The following FARP2 variants were observed in gnomAD, a reference collection of about 807,000 sequenced individuals.
The protein encoded by FARP2 is FERM, ARH/RhoGEF and pleckstrin domain protein 2, also known as FERM, ARHGEF and pleckstrin domain-containing protein 2.
Under a neutral mutation model 130.5 loss-of-function variants are expected in FARP2, and 111 were observed. That is an observed-to-expected ratio of 0.85 (90% confidence interval 0.73 to 1.00). The LOEUF (loss-of-function observed/expected upper bound fraction) is 1.00, where lower values mean the gene tolerates loss of function less well. FARP2 is among the 50% of genes least tolerant of loss of function. FARP2 has a pLI of 0.00. For synonymous variants in FARP2, 504 were observed against 516.9 expected, an observed-to-expected ratio of 0.98 and a Z score of 0.34; for missense variants, 1,385 against 1,346.3, an observed-to-expected ratio of 1.03 and a Z score of -0.45.
intron 19 of FARP2, among the ~76,000 whole-genome samples, chr2:241,476,699 T>TAAATA (rs961406290): frequency 1.4e-4 from 22 of 151,850 alleles, no homozygotes; most frequent in African/African-American, 5.3e-4. Flanking sequence ...CAAAATAAAA[T>TAAATA]AAATAAAATA....
chr2:241,494,137 C>T lies in FARP2; in HGVS notation c.*12C>T, dbSNP rs2065039192. ...GGAAGGAGGAATGACGCTCAACCTG[C>T]CCAGGTTTGGACACAACTACAAAGA... On this transcript the variant is annotated 3_prime_UTR_variant, in exon 27 of 27. Coordinates refer to ENST00000264042, the MANE Select transcript of FARP2 (RefSeq NM_014808.4). This position sits in a 1 kb window ranked among gnomAD's most constrained non-coding sequence, Gnocchi z 4.9. The T allele has an allele frequency of 4.2e-6, 6 of 1,442,296 alleles. No individual in the cohort carries two copies. The highest frequency in any genetic ancestry group is 5.5e-6 in the Non-Finnish European group (6 of 1,089,142). The allele number at this position is 1,442,296 out of a possible 1,614,324, so 89.3% of individuals were successfully genotyped here.
At chr2:241,491,733 T>G in intron 24 of FARP2, 54 bp downstream of exon 24, 4 of 1,513,638 alleles carry the variant, frequency 2.6e-6, no homozygotes, top group Non-Finnish European at 3.6e-6. Context: ...CAGCTGTCTC[T>G]GCACTTGGCT....
At chr2:241,388,857 G>C (rs1392312890) in intron 2 of FARP2, among the ~76,000 whole-genome samples, 1 of 151,890 alleles carries the variant, frequency 6.6e-6, no homozygotes, top group Non-Finnish European at 1.5e-5. Flanking sequence ...TATGGACTAG[G>C]TGTTTGTGTT....
intron 2 of FARP2, among the ~76,000 whole-genome samples, chr2:241,383,717 GC>G (rs1267277295): frequency 3.3e-5 from 5 of 152,078 alleles, no homozygotes; most frequent in Non-Finnish European, 7.4e-5. Context: ...TGAAGGTGGA[GC>G]CTGCAGAATT....
intron 8 of FARP2, among the ~76,000 whole-genome samples, chr2:241,428,058 G>T (rs151276154): frequency 5.3e-5 from 8 of 151,536 alleles, no homozygotes; most frequent in Non-Finnish European, 1.0e-4. Flanking sequence ...GAGCCACCAC[G>T]CCCAGCCTAG....
At chr2:241,402,866 A>T (rs376018843) in intron 2 of FARP2, among the ~76,000 whole-genome samples, 1 of 11,990 alleles carries the variant, frequency 8.3e-5, no homozygotes, top group Non-Finnish European at 1.5e-4. Context: ...ATATATATAT[A>T]TATATATATA....
intron 2 of FARP2, among the ~76,000 whole-genome samples, chr2:241,386,558 G>GTTTC (rs1376068654): frequency 2.6e-5 from 4 of 152,226 alleles, no homozygotes; most frequent in South Asian, 2.1e-4. Flanking sequence ...GATTGTCAAA[G>GTTTC]GGAAAGGGGA....
In FARP2 at chr2:241,494,117, G is replaced by A; in HGVS notation, c.3157G>A (p.Glu1053Lys). The A allele has an allele frequency of 2.0e-6, 3 of 1,478,980 alleles. No homozygotes were observed. The highest frequency in any genetic ancestry group is 1.5e-5 in the South Asian group (1 of 66,338). 91.6% of individuals were successfully genotyped at this position (1,478,980 alleles called of 1,614,324 possible). A position where few individuals can be genotyped will look rare whatever the true frequency, so the allele number is the denominator to read the frequency against. ...SGLEGMVRGK[E>K]E ...GCTGGAGGGGATGGTCAGGGGGAAGGAGGAATGACGCTCAACCTGCCCAGG... is the reference window on the plus strand; with the variant it reads ...GCTGGAGGGGATGGTCAGGGGGAAGAAGGAATGACGCTCAACCTGCCCAGG... The change falls in exon 27 of 27, where the codon GAG becomes AAG. Residue 1053 changes from glutamate (E) to lysine (K), a missense_variant. Transcript: ENST00000264042. The surrounding 1 kb of genome is among the most constrained non-coding windows in gnomAD (Gnocchi z 4.9).
intron 2 of FARP2, among the ~76,000 whole-genome samples, chr2:241,391,670 CTCT>C (rs1332308423): frequency 2.0e-5 from 3 of 152,198 alleles, no homozygotes; most frequent in Non-Finnish European, 1.5e-5. Flanking sequence ...CATTTAATGA[CTCT>C]TCTTCCAGTT....
At chr2:241,461,764 C>G (rs566630324) in intron 14 of FARP2, among the ~76,000 whole-genome samples, 1 of 152,334 alleles carries the variant, frequency 6.6e-6, no homozygotes. Context: ...GCTGCCAGGG[C>G]AGAGCAGGAT....
chr2:241,413,372 G>C lies in FARP2; in HGVS notation c.574G>C (p.Gly192Arg). ...CCTCAAAGTGAACGAGTATTTGCCTGGCCAGCAGCACTGCCTTGAGAAGAT... is the reference window on the plus strand; with the variant it reads ...CCTCAAAGTGAACGAGTATTTGCCTCGCCAGCAGCACTGCCTTGAGAAGAT... ...EHLKVNEYLP[G>R]QQHCLEKILE... Residue 192 changes from glycine (G) to arginine (R), a missense_variant, in exon 7 of 27, where the codon GGC (glycine) becomes CGC (arginine). Physicochemically the swap from Gly to Arg is moderately radical, Grantham distance 125. Coordinates refer to ENST00000264042, the MANE Select transcript of FARP2 (RefSeq NM_014808.4). 6.2e-7 allele frequency: 1 copy of C among 1,612,650 alleles called. No individual in the cohort carries two copies. Among genetic ancestry groups the C allele is most frequent in the Non-Finnish European group, 8.5e-7 (1 of 1,179,524 alleles).
intron 18 of FARP2, among the ~76,000 whole-genome samples, chr2:241,472,706 A>C (rs1334907807): frequency 7.9e-6 from 1 of 125,904 alleles, no homozygotes; most frequent in Non-Finnish European, 1.7e-5. Flanking sequence ...TGTTCTGAGG[A>C]TGCTGCTGCT....
At chr2:241,441,278 T>A (rs769112965) in intron 12 of FARP2, 26 bp from the exon 13 acceptor site, 2 of 1,542,460 alleles carry the variant, frequency 1.3e-6, no homozygotes, top group South Asian at 2.5e-5. Context: ...ATATCCTTTT[T>A]TTCTTTTCTT....
chr2:241,458,198 A>T (rs1253770303), intron 14 of FARP2, among the ~76,000 whole-genome samples: 1 of 152,022 alleles, frequency 6.6e-6, no homozygotes, highest in East Asian at 1.9e-4. Flanking sequence ...GAGTTTGTAG[A>T]CTATATTGGG....
At chr2:241,466,219 C>T (rs775590256) in intron 17 of FARP2, 61 of 985,334 alleles carry the variant, frequency 6.2e-5, no homozygotes, top group Non-Finnish European at 6.3e-5. Flanking sequence ...CCCCAGAGCC[C>T]GGGCCCCTGT....
chr2:241,387,679 G>T (rs2150322628), intron 2 of FARP2, among the ~76,000 whole-genome samples: 1 of 151,844 alleles, frequency 6.6e-6, no homozygotes, highest in East Asian at 1.9e-4. Flanking sequence ...TGTAGTCCCA[G>T]GTACTCAGGA....
At position 241,491,667 on chromosome 2, in the gene FARP2, T is replaced by C. The variant is rs759485022; in HGVS notation, c.2775T>C (p.Ser925=). 5.6e-6 allele frequency: 9 copies of C among 1,604,886 alleles called. No individual in the cohort carries two copies. Among genetic ancestry groups the C allele is most frequent in the African/African-American group, 5.4e-5 (4 of 74,754 alleles). The change falls in exon 24 of 27, where the codon AGT becomes AGC. Residue 925 remains serine (S), a synonymous_variant. Coordinates refer to ENST00000264042, the MANE Select transcript of FARP2 (RefSeq NM_014808.4). ...CCAGCGTGTCCAGGGCAGACCACAG[T>C]GCAGCTGTCGAGGTACGACCGCATG... is the stretch of plus-strand genomic sequence containing the variant. ...RNTSVSRADH[S]AAVENQLSGY...
chr2:241,493,535 T>C, intron 26 of FARP2, 91 bp downstream of exon 26: 1 of 1,235,752 alleles, frequency 8.1e-7, no homozygotes, highest in Non-Finnish European at 1.2e-6. Context: ...GCAAGTTTTC[T>C]GGGCCCTGGA....
Position 241,475,603 on chromosome 2 carries a change from G to A in FARP2, c.2132-254G>A, listed in dbSNP as rs562540275. Among the ~76,000 whole-genome samples the A allele has an allele frequency of 6.6e-6, 1 of 152,196 alleles. No individual in the cohort carries two copies. Among genetic ancestry groups the A allele is most frequent in the Non-Finnish European group, 1.5e-5 (1 of 68,038 alleles). ...TGCTCCTTGTGAGAATCTAACAAAT[G>A]CCTGATGATCTGAGGTGGAACAGTT... On this transcript the variant is annotated intron_variant, in intron 18 of 26. Transcript: ENST00000264042. This position sits in a 1 kb window ranked among gnomAD's most constrained non-coding sequence, Gnocchi z 4.4.
Sources: allele counts gnomAD v4.1 joint callset (sites outside exome capture counted in the v4.1 genomes callset), GRCh38; gene constraint gnomAD v4.1.1; non-coding constraint Gnocchi (gnomAD v3.1); transcripts MANE v1.5; gene names NCBI Gene and HGNC (gene_info 2026-07-23, HGNC 2026-07-21).